Variants in USP4 observed in about 807,000 individuals in gnomAD.
USP4 encodes the protein ubiquitin carboxyl-terminal hydrolase 4.
A neutral mutation model predicts 118.2 loss-of-function variants in USP4; 72 were observed. That is an observed-to-expected ratio of 0.61 (90% CI 0.50 to 0.74). The LOEUF is 0.74. Among genes scored for constraint, USP4 ranks in the 30% least tolerant of loss-of-function variants. The pLI is 0.00. For missense variants in USP4, 1,037 were observed against 1,185.7 expected, an observed-to-expected ratio of 0.87 and a Z score of 1.84; for synonymous variants, 415 against 440.4, an observed-to-expected ratio of 0.94 and a Z score of 0.72.
intron 15 of USP4, among the ~76,000 whole-genome samples, chr3:49,292,007 CT>C (rs1209915598): frequency 6.6e-6 from 1 of 152,118 alleles, no homozygotes; most frequent in African/African-American, 2.4e-5. Flanking sequence ...CGGGGTTTCA[CT>C]GTGTTAGCCA....
intron 19 of USP4, among the ~76,000 whole-genome samples, chr3:49,281,381 G>A (rs1023140838): frequency 3.3e-5 from 5 of 151,430 alleles, no homozygotes; most frequent in East Asian, 1.9e-4. Context: ...GCGTGAACCC[G>A]GGAGGTGGAG....
At chr3:49,319,517 TGGGATTACA>T (rs2047477434) in intron 6 of USP4, among the ~76,000 whole-genome samples, 2 of 151,976 alleles carry the variant, frequency 1.3e-5, no homozygotes, top group South Asian at 4.1e-4. Flanking sequence ...CCCAAAGTGC[TGGGATTACA>T]GGCATAAGCC....
intron 8 of USP4, among the ~76,000 whole-genome samples, chr3:49,310,340 A>G (rs2047370978): frequency 6.6e-6 from 1 of 152,210 alleles, no homozygotes. Context: ...GATGCACTCC[A>G]ATATTTTCTA....
intron 8 of USP4, among the ~76,000 whole-genome samples, chr3:49,308,420 A>C (rs2047343748): frequency 6.6e-6 from 1 of 152,032 alleles, no homozygotes; most frequent in Non-Finnish European, 1.5e-5. Context: ...CCCGGGATCA[A>C]GAGATTCTCC....
intron 8 of USP4, among the ~76,000 whole-genome samples, chr3:49,308,524 T>A (rs2047345101): frequency 6.6e-6 from 1 of 151,834 alleles, no homozygotes; most frequent in African/African-American, 2.4e-5. Context: ...TTTCACTATG[T>A]TGGCCAAGCT....
chr3:49,324,744 T>C lies in USP4; in HGVS notation c.653A>G (p.Gln218Arg). 1 of 1,614,132 alleles carries C rather than the reference T, an allele frequency of 6.2e-7. No homozygotes were observed. Among genetic ancestry groups the C allele is most frequent in the East Asian group, 2.2e-5 (1 of 44,892 alleles). Residue 218 changes from glutamine to arginine, a missense_variant, in exon 6 of 22, where the codon CAA becomes CGA. By Grantham distance (43) the Gln-to-Arg change is conservative. This residue lies in a region of USP4 where 487 missense variants were observed against 534.1 expected (regional missense o/e 0.91). Coordinates refer to ENST00000265560, the MANE Select transcript of USP4 (RefSeq NM_003363.4). ...YQGQVLVIEPQNEDGTWPRQT... is the reference protein window; with the variant it reads ...YQGQVLVIEPRNEDGTWPRQT... ...CCTGGGCCATGTGCCATCTTCATTTTGAGGCTCAATTACTAGCACCTGAGT... is the reference window on the plus strand; with the variant it reads ...CCTGGGCCATGTGCCATCTTCATTTCGAGGCTCAATTACTAGCACCTGAGT...
intron 15 of USP4, among the ~76,000 whole-genome samples, chr3:49,290,268 G>C: frequency 6.6e-6 from 1 of 152,090 alleles, no homozygotes; most frequent in Non-Finnish European, 1.5e-5. Context: ...TACAAAACTA[G>C]CCAAGTGTGG....
chr3:49,284,882 A>G lies in USP4; in HGVS notation c.2238T>C (p.Thr746=). The G allele has an allele frequency of 6.2e-7, 1 of 1,613,740 alleles. No individual in the cohort carries two copies. The highest frequency in any genetic ancestry group is 1.1e-5 in the South Asian group (1 of 91,006). ...CTTGCTCATCATAGTAAAGTCTCCGAGTTTCACTGTCCCAATCCATGGCCA... is the reference window on the plus strand; with the variant it reads ...CTTGCTCATCATAGTAAAGTCTCCGGGTTTCACTGTCCCAATCCATGGCCA... ...STLAMDWDSE[T]RRLYYDEQES... Residue 746 remains threonine, a synonymous_variant, in exon 17 of 22, where the codon ACT becomes ACC. Transcript: ENST00000265560.
At chr3:49,297,011 TAG>T (rs1449287337) in intron 13 of USP4, among the ~76,000 whole-genome samples, 2 of 152,230 alleles carry the variant, frequency 1.3e-5, no homozygotes, top group South Asian at 2.1e-4. Context: ...CTATTCCTTT[TAG>T]AGAGATCTAG....
chr3:49,331,150 G>A (rs1230587397), intron 2 of USP4, among the ~76,000 whole-genome samples: 2 of 150,724 alleles, frequency 1.3e-5, no homozygotes, highest in Non-Finnish European at 1.5e-5. Context: ...GAGAAACCCC[G>A]TCTCTACTAA....
chr3:49,295,736 C>CACACACACACACACACA (rs1336643836), intron 13 of USP4, among the ~76,000 whole-genome samples: 77 of 142,958 alleles, frequency 5.4e-4, no homozygotes, highest in African/African-American at 1.9e-3. Context: ...ACACACACAC[C>CACACACACACACACACA]CCCCCCTCCC....
chr3:49,277,149 C>G lies in USP4; in HGVS notation c.*1144G>C, dbSNP rs539655510. Reference sequence around the variant, plus strand: ...AGGCCGCTGGCCCTACCGGCACCCCCCCTTTGGCGAGTCGGCAGCCACGTC... The same window carrying G: ...AGGCCGCTGGCCCTACCGGCACCCCGCCTTTGGCGAGTCGGCAGCCACGTC... On this transcript the variant is annotated 3_prime_UTR_variant, in exon 22 of 22. Coordinates refer to ENST00000265560, the MANE Select transcript of USP4 (RefSeq NM_003363.4). 113 of 1,439,370 alleles carry G rather than the reference C, an allele frequency of 7.9e-5. No individual in the cohort carries two copies. The African/African-American group carries it at 9.0e-4, about 11-fold the overall frequency. 89.2% of individuals were successfully genotyped at this position (1,439,370 alleles called of 1,614,324 possible). A position where few individuals can be genotyped will look rare whatever the true frequency, so the allele number is the denominator to read the frequency against.
At chr3:49,282,817 C>A (rs1042115916) in intron 19 of USP4, among the ~76,000 whole-genome samples, 1 of 151,582 alleles carries the variant, frequency 6.6e-6, no homozygotes, top group Admixed American at 6.6e-5. Flanking sequence ...AAGCAATTCT[C>A]CTGCCTCAGC....
intron 20 of USP4, among the ~76,000 whole-genome samples, chr3:49,279,503 A>G (rs776667206): frequency 1.3e-5 from 2 of 152,162 alleles, no homozygotes; most frequent in Non-Finnish European, 2.9e-5. Flanking sequence ...TGGTTAGGTA[A>G]CAGTTTCCCA....
intron 2 of USP4, among the ~76,000 whole-genome samples, chr3:49,331,685 A>T (rs747417693): frequency 1.3e-5 from 2 of 152,202 alleles, no homozygotes; most frequent in Non-Finnish European, 2.9e-5. Context: ...GCTATCATGC[A>T]GGCTTTGTTG....
At chr3:49,320,814 A>G (rs189765591) in intron 6 of USP4, among the ~76,000 whole-genome samples, 40 of 150,094 alleles carry the variant, frequency 2.7e-4, no homozygotes, top group African/African-American at 8.8e-4. Flanking sequence ...TCCCCCCTTC[A>G]TTTTTGCCTT....
rs1254845735 is a variant in USP4, at chr3:49,311,590, AG to A, written c.759del (p.Ser254GlnfsTer60). On this transcript the variant is annotated frameshift_variant, in exon 7 of 22. Coordinates refer to ENST00000265560, the MANE Select transcript of USP4 (RefSeq NM_003363.4). LOFTEE classifies it high-confidence loss of function. ...TTTGCAATGAGAGAGGCAGACACTG[AG>A]GAATAGGGACTTGCTGATGATTTTG... ...TSPKSSASPY[S>X]SVSASLIANG... The A allele has an allele frequency of 3.0e-5, 49 of 1,613,920 alleles. No homozygotes were observed. Among genetic ancestry groups the A allele is most frequent in the Non-Finnish European group, 4.1e-5 (48 of 1,179,946 alleles).
At chr3:49,291,295 AG>A (rs1361725852) in intron 15 of USP4, among the ~76,000 whole-genome samples, 2 of 148,246 alleles carry the variant, frequency 1.3e-5, no homozygotes, top group African/African-American at 4.9e-5. Context: ...AAAAAAAAAA[AG>A]CTGGGCACAG....
intron 14 of USP4, chr3:49,293,485 C>CA (rs753423294): frequency 5.2e-4 from 79 of 151,680 alleles, no homozygotes; most frequent in Non-Finnish European, 8.4e-4. Context: ...AACAAACAAA[C>CA]AACAACAACA....
Sources: allele counts gnomAD v4.1 joint callset (sites outside exome capture counted in the v4.1 genomes callset), GRCh38; gene constraint gnomAD v4.1.1; regional missense constraint gnomAD v4.1.1; transcripts MANE v1.5; gene names NCBI Gene and HGNC (gene_info 2026-07-23, HGNC 2026-07-21).